The following CD244 variants were observed in gnomAD, a reference collection of about 807,000 sequenced individuals.
CD244 encodes the protein natural killer cell receptor 2B4.
CD244 carries 20 observed loss-of-function variants against 45.5 expected under a neutral mutation model. The observed-to-expected ratio is 0.44, with a 90% confidence interval of 0.31 to 0.64. The LOEUF (loss-of-function observed/expected upper bound fraction) is 0.64, where lower values mean the gene tolerates loss of function less well. Ranked by LOEUF, CD244 falls within the 30% of genes least tolerant of loss-of-function variation. CD244 has a pLI of 0.08. For synonymous variants in CD244, 185 were observed against 160.5 expected (o/e 1.15, Z -1.15); for missense variants, 407 against 426.9 (o/e 0.95, Z 0.41).
Position 160,841,581 on chromosome 1 carries a change from T to C in CD244, c.379+3A>G. On this transcript the variant is annotated splice_donor_region_variant and intron_variant, in intron 2 of 8. Coordinates refer to ENST00000368034, the MANE Select transcript of CD244 (RefSeq NM_016382.4). ...GGCAGTATGAACAGTCCTGGAGACT[T>C]ACCAAATACAAAAACCTGGAACGTG... 1 of 1,613,760 alleles carries C rather than the reference T, an allele frequency of 6.2e-7. No individual in the cohort carries two copies.
rs759722375 is a variant in CD244 at position 160,831,335 on chromosome 1, T to A, written c.*12A>T. 12 of 1,608,660 alleles carry A rather than the reference T, an allele frequency of 7.5e-6. No homozygotes were observed. Among genetic ancestry groups the A allele is most frequent in the Admixed American group, 5.0e-5 (3 of 59,980 alleles). On this transcript the variant is annotated 3_prime_UTR_variant, in exon 9 of 9. Coordinates refer to ENST00000368034, the MANE Select transcript of CD244 (RefSeq NM_016382.4). Reference sequence around the variant, plus strand: ...TGCTGATGTGCAAGAAAGGTGAGAATTGCTGCAGCAACTAGGAATAAACAT... The same window carrying A: ...TGCTGATGTGCAAGAAAGGTGAGAAATGCTGCAGCAACTAGGAATAAACAT...
chr1:160,842,032 C>G, intron 1 of CD244, 131 bp from the exon 2 acceptor site: 1 of 664,620 alleles, frequency 1.5e-6, no homozygotes, highest in Non-Finnish European at 2.6e-6. Context: ...CTAGGAGCAC[C>G]TTAAAGCATA....
At chr1:160,837,899 GCAGGCGAGAGGCTCCTGGAGGAGCCTA>G (rs1669389181) in intron 5 of CD244, among the ~76,000 whole-genome samples, 1 of 152,240 alleles carries the variant, frequency 6.6e-6, no homozygotes. Context: ...GCTGCGAAGA[GCAGGCGAGAGGCTCCTGGAGGAGCCTA>G]CTCAGGCTGG....
At chr1:160,833,420 G>A (rs1042651421) in intron 7 of CD244, among the ~76,000 whole-genome samples, 7 of 152,094 alleles carry the variant, frequency 4.6e-5, no homozygotes, top group African/African-American at 7.2e-5. Flanking sequence ...CCAGCCTTGG[G>A]AACACCACTC....
intron 1 of CD244, among the ~76,000 whole-genome samples, chr1:160,861,869 G>GAAAT (rs1391203848): frequency 6.6e-6 from 1 of 152,008 alleles, no homozygotes; most frequent in Non-Finnish European, 1.5e-5. Context: ...AATTAAAAAT[G>GAAAT]AAATAAATAA....
chr1:160,837,821 A>G (rs1669386180), intron 5 of CD244, among the ~76,000 whole-genome samples: 1 of 152,252 alleles, frequency 6.6e-6, no homozygotes, highest in South Asian at 2.1e-4. Context: ...CAGTGGGGGC[A>G]TCTGCAGGCC....
At chr1:160,844,696 C>T (rs1472493560) in intron 1 of CD244, among the ~76,000 whole-genome samples, 1 of 152,212 alleles carries the variant, frequency 6.6e-6, no homozygotes, top group East Asian at 1.9e-4. Context: ...TAGCCCTGGC[C>T]TGGTGCGGTG....
intron 1 of CD244, among the ~76,000 whole-genome samples, chr1:160,853,921 C>T (rs1670012760): frequency 6.6e-6 from 1 of 152,124 alleles, no homozygotes; most frequent in South Asian, 2.1e-4. Context: ...TTCCTCTGCC[C>T]TGCAGAGTTA....
rs892307643 is a variant in CD244 at position 160,841,881 on chromosome 1, G to A, written c.82C>T (p.His28Tyr). 1 of 1,613,824 alleles carries A rather than the reference G, an allele frequency of 6.2e-7. No homozygotes were observed. The highest frequency in any genetic ancestry group is 8.5e-7 in the Non-Finnish European group (1 of 1,179,920). The change falls in exon 2 of 9, where the codon CAT becomes TAT. Residue 28 changes from histidine (H) to tyrosine (Y), a missense_variant. Physicochemically the swap from His to Tyr is moderately conservative, Grantham distance 83. Transcript: ENST00000368034. ...QGKGCQGSAD[H>Y]VVSISGVPLQ... ...GGCACTCCCGAGATGCTAACCACAT[G>A]GTCAGCTGATCCCTGGCATCCTAGG...
chr1:160,848,054 C>T lies in CD244; in HGVS notation c.62-6153G>A, dbSNP rs183161915. The T allele has an allele frequency of 1.1e-4, 39 of 358,896 alleles. No homozygotes were observed. The Admixed American group carries it at 1.4e-3, about 12-fold the overall frequency. 22.2% of individuals were successfully genotyped at this position (358,896 alleles called of 1,614,324 possible). ...CATTAATATAGCAGTTGACCATGAA[C>T]CCTTGGACCGTGTCTCCTTGGAGCT... On this transcript the variant is annotated intron_variant, in intron 1 of 8. Transcript: ENST00000368034.
intron 5 of CD244, among the ~76,000 whole-genome samples, chr1:160,836,717 G>A (rs1669346709): frequency 6.6e-6 from 1 of 152,134 alleles, no homozygotes; most frequent in Non-Finnish European, 1.5e-5. Context: ...ATAGTGCTGG[G>A]TGCAGCCCTG....
intron 5 of CD244, among the ~76,000 whole-genome samples, chr1:160,837,054 C>A (rs1185566380): frequency 2.0e-5 from 3 of 152,172 alleles, no homozygotes; most frequent in African/African-American, 7.2e-5. Context: ...CCGTCCAGAC[C>A]CGTGTGAAGT....
chr1:160,836,791 G>A (rs1228227458), intron 5 of CD244, among the ~76,000 whole-genome samples: 1 of 152,104 alleles, frequency 6.6e-6, no homozygotes, highest in Non-Finnish European at 1.5e-5. Context: ...TACCCCTTAG[G>A]AAATCGGTGG....
At chr1:160,845,577 T>C (rs551358584) in intron 1 of CD244, among the ~76,000 whole-genome samples, 57 of 152,238 alleles carry the variant, frequency 3.7e-4, no homozygotes, top group African/African-American at 1.3e-3. Context: ...ACCGACAAGC[T>C]GGGCACGGTG....
chr1:160,853,247 A>G (rs1271048599), intron 1 of CD244, among the ~76,000 whole-genome samples: 1 of 152,228 alleles, frequency 6.6e-6, no homozygotes, highest in African/African-American at 2.4e-5. Flanking sequence ...CACAATGATG[A>G]GTATTAATGA....
At chr1:160,860,457 AT>A (rs1322518176) in intron 1 of CD244, among the ~76,000 whole-genome samples, 1 of 152,184 alleles carries the variant, frequency 6.6e-6, no homozygotes, top group Non-Finnish European at 1.5e-5. Flanking sequence ...AAAAAAAAAA[AT>A]AAAGCATATT....
At chr1:160,845,004 A>G (rs937990359) in intron 1 of CD244, among the ~76,000 whole-genome samples, 1 of 152,066 alleles carries the variant, frequency 6.6e-6, no homozygotes, top group Non-Finnish European at 1.5e-5. Context: ...AAATAAATGA[A>G]TCAGCCACCC....
At chr1:160,848,277 T>C (rs925123258) in intron 1 of CD244, 5 of 571,986 alleles carry the variant, frequency 8.7e-6, no homozygotes, top group Admixed American at 5.7e-5. Flanking sequence ...AACTTCATCC[T>C]GAAGCATACA....
intron 1 of CD244, among the ~76,000 whole-genome samples, chr1:160,844,054 T>G (rs1251304020): frequency 1.3e-5 from 2 of 152,262 alleles, no homozygotes; most frequent in Non-Finnish European, 2.9e-5. Context: ...AAGCTCAATT[T>G]TGAATCATCA....
Sources: gnomAD v4.1 joint callset for allele counts (sites outside exome capture counted in the v4.1 genomes callset) on GRCh38, gnomAD v4.1.1 for gene constraint, MANE v1.5 for transcripts, NCBI Gene and HGNC (gene_info 2026-07-23, HGNC 2026-07-21) for gene names.